ANKRD24: variants seen among roughly 807,000 people sequenced by gnomAD.
ANKRD24 encodes the protein ankyrin repeat domain-containing protein 24.
In ANKRD24, 109 loss-of-function variants were observed where a neutral mutation model predicts 127.8. The ratio of observed to expected loss-of-function variants is 0.85; its 90% CI spans 0.73 to 1.00. The LOEUF (loss-of-function observed/expected upper bound fraction) is 1.00. ANKRD24 is among the 50% of genes least tolerant of loss of function. ANKRD24 has a pLI of 0.00. For missense variants in ANKRD24, 1,648 were observed against 1,570.2 expected, an observed-to-expected ratio of 1.05 and a Z score of -0.84; for synonymous variants, 743 against 671.1, an observed-to-expected ratio of 1.11 and a Z score of -1.66.
intron 2 of ANKRD24, among the ~76,000 whole-genome samples, chr19:4,193,834 C>CGGAAGGGAGGGT (rs754244147): frequency 1.3e-5 from 1 of 78,350 alleles, no homozygotes; most frequent in Non-Finnish European, 2.2e-5. Flanking sequence ...GAGACTCCGT[C>CGGAAGGGAGGGT]GGGAGGGAGG....
rs796437028 is a variant in ANKRD24, at chr19:4,188,403, A to G, written c.36+1942A>G. On this transcript the variant is annotated intron_variant, in intron 2 of 21. Transcript: ENST00000318934. The stretch of plus-strand genomic sequence containing the variant: ...ATTTTTTTTTTTTTTTTTTTTTTTG[A>G]GACAGAGTCTCTTTCTGTCACCCAG... Among the ~76,000 whole-genome samples, 35 of 50,174 alleles carry G rather than the reference A, an allele frequency of 7.0e-4. 1 individual carries two copies. Among genetic ancestry groups the G allele is most frequent in the African/African-American group, 2.0e-3 (29 of 14,558 alleles). 32.9% of individuals were successfully genotyped at this position (50,174 alleles called of 152,430 possible).
chr19:4,212,426 G>T, intron 13 of ANKRD24, 49 bp from the exon 14 acceptor site: 1 of 1,558,012 alleles, frequency 6.4e-7, no homozygotes, highest in Non-Finnish European at 8.7e-7. Context: ...GGTGGGGCAG[G>T]GAGGCCTCTT....
intron 2 of ANKRD24, among the ~76,000 whole-genome samples, chr19:4,187,894 C>T (rs777622218): frequency 2.6e-5 from 4 of 152,186 alleles, no homozygotes; most frequent in East Asian, 1.9e-4. Flanking sequence ...GAGCGGGGCA[C>T]GGACCTGTGT....
chr19:4,188,032 C>G (rs956465718), intron 2 of ANKRD24, among the ~76,000 whole-genome samples: 4 of 151,966 alleles, frequency 2.6e-5, no homozygotes, highest in Admixed American at 2.6e-4. Context: ...TTTGAAAAGC[C>G]AAAAAGAGAG....
intron 18 of ANKRD24, among the ~76,000 whole-genome samples, chr19:4,218,668 CTT>C (rs1332963490): frequency 6.6e-6 from 1 of 151,786 alleles, no homozygotes; most frequent in Non-Finnish European, 1.5e-5. Context: ...TTCTCTCTTT[CTT>C]TCTCTTTATT....
chr19:4,224,301 C>A, intron 21 of ANKRD24, 109 bp downstream of exon 21: 1 of 1,413,966 alleles, frequency 7.1e-7, no homozygotes, highest in Non-Finnish European at 9.7e-7. Flanking sequence ...GGGAGAGGTT[C>A]GTGGCATGTG....
intron 14 of ANKRD24, 28 bp from the exon 15 acceptor site, chr19:4,212,572 G>A: frequency 6.5e-7 from 1 of 1,548,672 alleles, no homozygotes; most frequent in Non-Finnish European, 8.7e-7. Context: ...CCTCCCAGAG[G>A]CAGCTGAGCC....
chr19:4,212,084 CA>C (rs891594330), intron 13 of ANKRD24, among the ~76,000 whole-genome samples: 4 of 152,022 alleles, frequency 2.6e-5, no homozygotes, highest in African/African-American at 9.7e-5. Context: ...CCTGTAGTCC[CA>C]GCTACTTAGG....
rs750267435 is a variant in ANKRD24 at position 4,224,156 on chromosome 19, G to T, written c.3327G>T (p.Val1109=). 6.2e-7 allele frequency: 1 copy of T among 1,612,766 alleles called. No individual in the cohort carries two copies. The change falls in exon 21 of 22, where the codon GTG becomes GTT. Residue 1109 remains valine (V), a synonymous_variant. Coordinates refer to ENST00000318934, the MANE Select transcript of ANKRD24 (RefSeq NM_001393985.1). ...QEAARDHSSV[V]ALYRSHLLYA... ...CTGCCAGGGACCACTCCAGCGTGGT[G>T]GCTTTGTACAGAAGCCACCTCCTAT...
chr19:4,185,937 A>C (rs1968037566), intron 1 of ANKRD24, among the ~76,000 whole-genome samples: 1 of 152,166 alleles, frequency 6.6e-6, no homozygotes, highest in Admixed American at 6.6e-5. Context: ...TGATAAGAGC[A>C]AGGGATTTTG....
At chr19:4,223,401 A>ATTTTT (rs1173862080) in intron 20 of ANKRD24, among the ~76,000 whole-genome samples, 14 of 53,324 alleles carry the variant, frequency 2.6e-4, no homozygotes, top group African/African-American at 9.5e-4. Context: ...ATATATATAT[A>ATTTTT]TTTTTTTTTT....
rs781024349 is a variant in ANKRD24 at position 4,210,335 on chromosome 19, G to A, written c.1022G>A (p.Arg341Gln). 6.3e-6 allele frequency: 10 copies of A among 1,575,786 alleles called. No homozygotes were observed. The South Asian group carries it at 7.0e-5, about 11-fold the overall frequency. The change falls in exon 13 of 22, where the codon CGG becomes CAG. Residue 341 changes from arginine (R) to glutamine (Q), a missense_variant. Coordinates refer to ENST00000318934, the MANE Select transcript of ANKRD24 (RefSeq NM_001393985.1). ...QERGRLLQKI[R>Q]GLEQHKERRQ... ...AGGGGCCGCCTCCTGCAGAAGATCC[G>A]GGGCCTGGAACAGCACAAGGAACGG...
intron 10 of ANKRD24, 107 bp downstream of exon 10, chr19:4,208,075 T>C: frequency 8.2e-7 from 1 of 1,220,430 alleles, no homozygotes; most frequent in South Asian, 1.9e-5. Flanking sequence ...GGCTGCATTC[T>C]AGGAGGTCCT....
chr19:4,214,203 G>A (rs1271343566), intron 15 of ANKRD24, among the ~76,000 whole-genome samples: 2 of 151,138 alleles, frequency 1.3e-5, no homozygotes, highest in East Asian at 3.9e-4. Context: ...GTCTTGTTCT[G>A]TTGTCCAGGC....
In ANKRD24 at chr19:4,217,491, C is replaced by T. The variant is rs1239302574; in HGVS notation, c.2331C>T (p.Ser777=). 4 of 1,414,966 alleles carry T rather than the reference C, an allele frequency of 2.8e-6. No homozygotes were observed. The highest frequency in any genetic ancestry group is 3.7e-6 in the Non-Finnish European group (4 of 1,089,780). The allele number at this position is 1,414,966 out of a possible 1,614,324, so 87.7% of individuals were successfully genotyped here. A position where few individuals can be genotyped will look rare whatever the true frequency, so the allele number is the denominator to read the frequency against. Residue 777 remains serine (S), a synonymous_variant, in exon 18 of 22, where the codon AGC becomes AGT. Coordinates refer to ENST00000318934, the MANE Select transcript of ANKRD24 (RefSeq NM_001393985.1). ...RVREAEGSGA[S]GGGGGDTTQL... is the part of the protein sequence containing the mutation. Reference sequence around the variant, plus strand: ...GCGAGGCCGAGGGCAGCGGGGCCAGCGGGGGCGGTGGCGGTGACACCACAC... The same window carrying T: ...GCGAGGCCGAGGGCAGCGGGGCCAGTGGGGGCGGTGGCGGTGACACCACAC...
rs776788769 is a variant in ANKRD24 at position 4,186,442 on chromosome 19, C to T, written c.17C>T (p.Ala6Val). The change falls in exon 2 of 22, where the codon GCG (alanine) becomes GTG (valine). Residue 6 changes from alanine (A) to valine (V), a missense_variant. By Grantham distance (64) the Ala-to-Val change is moderately conservative (BLOSUM62 0). Transcript: ENST00000318934. ...GCACCAACTATGAAGACTCTCAGGG[C>T]GCGATTTAAGAAGACAGAGGTGAGT... MKTLR[A>V]RFKKTELRLS... 1.5e-5 allele frequency: 24 copies of T among 1,593,612 alleles called. No homozygotes were observed. The highest frequency in any genetic ancestry group is 2.3e-5 in the South Asian group (2 of 87,454).
At position 4,195,187 on chromosome 19, in the gene ANKRD24, C is replaced by CTCAGTCT. The variant is rs1968642072; in HGVS notation, c.37-4495_37-4489dup. On this transcript the variant is annotated intron_variant, in intron 2 of 21. Coordinates refer to ENST00000318934, the MANE Select transcript of ANKRD24 (RefSeq NM_001393985.1). This position sits in a 1 kb window ranked among gnomAD's most constrained non-coding sequence, Gnocchi z 4.2. ...TCCCGGGTGCACGCCATTCTCCTGC[C>CTCAGTCT]TCAGTCTCCCGAGTAGCTGGGACTA... 6.6e-6 allele frequency among the ~76,000 whole-genome samples: 1 copy of CTCAGTCT among 151,800 alleles called. No individual in the cohort carries two copies. The highest frequency in any genetic ancestry group is 6.6e-5 in the Admixed American group (1 of 15,156).
At chr19:4,209,528 C>G (rs1002181243) in intron 11 of ANKRD24, among the ~76,000 whole-genome samples, 2 of 152,112 alleles carry the variant, frequency 1.3e-5, no homozygotes, top group African/African-American at 4.8e-5. Flanking sequence ...TGGCTCACTG[C>G]AACCTCTGCC....
rs976806944 is a variant in ANKRD24, at chr19:4,217,788, G to A, written c.2628G>A (p.Arg876=). ...GCACGGCGGCCGCGGAACTGGGCCG[G>A]GCACGGGACGCCGCTGAGGCCCGAG... ...QQRTAAAELG[R]ARDAAEARVA... is the part of the protein sequence containing the mutation. The change falls in exon 18 of 22, where the codon CGG becomes CGA. Residue 876 remains arginine, a synonymous_variant. Transcript: ENST00000318934. 3 of 1,330,684 alleles carry A rather than the reference G, an allele frequency of 2.3e-6. No homozygotes were observed. The highest frequency in any genetic ancestry group is 3.1e-5 in the African/African-American group (2 of 63,892). 82.4% of individuals were successfully genotyped at this position (1,330,684 alleles called of 1,614,324 possible). A position where few individuals can be genotyped will look rare whatever the true frequency, so the allele number is the denominator to read the frequency against.
Sources: allele counts gnomAD v4.1 joint callset (sites outside exome capture counted in the v4.1 genomes callset), GRCh38; gene constraint gnomAD v4.1.1; non-coding constraint Gnocchi (gnomAD v3.1); transcripts MANE v1.5; gene names NCBI Gene and HGNC (gene_info 2026-07-23, HGNC 2026-07-21).